The following SIN3A variants were observed in gnomAD, a reference collection of about 807,000 sequenced individuals.
SIN3A encodes the protein SIN3 transcription regulator family member A, also known as paired amphipathic helix protein Sin3a.
SIN3A carries 14 observed loss-of-function variants against 146.1 expected under a neutral mutation model. The ratio of observed to expected loss-of-function variants is 0.10; its 90% confidence interval spans 0.06 to 0.15. The LOEUF is 0.15. Among genes scored for constraint, SIN3A ranks in the 10% least tolerant of loss-of-function variants. The pLI is 1.00. For missense variants in SIN3A, 1,028 were observed against 1,576.0 expected (o/e 0.65, Z 5.89); for synonymous variants, 572 against 572.0 (o/e 1.00, Z 0.00).
At chr15:75,393,767 G>A (rs1440814423) in intron 14 of SIN3A, among the ~76,000 whole-genome samples, 2 of 151,736 alleles carry the variant, frequency 1.3e-5, no homozygotes, top group African/African-American at 4.8e-5. Context: ...GGGTATGGAG[G>A]GTGACAAAGT....
chr15:75,401,840 C>T lies in SIN3A; in HGVS notation c.1526+12G>A. On this transcript the variant is annotated intron_variant, in intron 10 of 20. Coordinates refer to ENST00000394947, the MANE Select transcript of SIN3A (RefSeq NM_001145358.2). ...TATCATGCATCAGGGCTAAGCCCCTCACTTCACTTACCCCAGGAAAGGAGA... is the reference window on the plus strand; with the variant it reads ...TATCATGCATCAGGGCTAAGCCCCTTACTTCACTTACCCCAGGAAAGGAGA... The T allele has an allele frequency of 6.7e-7, 1 of 1,492,488 alleles. No individual in the cohort carries two copies. The highest frequency in any genetic ancestry group is 9.4e-7 in the Non-Finnish European group (1 of 1,069,296). 92.5% of individuals were successfully genotyped at this position (1,492,488 alleles called of 1,614,324 possible). A position where few individuals can be genotyped will look rare whatever the true frequency, so the allele number is the denominator to read the frequency against.
At chr15:75,398,833 A>AACACT (rs962579736) in intron 12 of SIN3A, among the ~76,000 whole-genome samples, 3 of 151,848 alleles carry the variant, frequency 2.0e-5, no homozygotes, top group African/African-American at 4.8e-5. Context: ...AATGTAGTAA[A>AACACT]ACACTGTTTC....
At chr15:75,441,664 T>C (rs1432923723) in intron 1 of SIN3A, among the ~76,000 whole-genome samples, 1 of 152,180 alleles carries the variant, frequency 6.6e-6, no homozygotes, top group Non-Finnish European at 1.5e-5. Context: ...GGTACAGCTC[T>C]AGTAAGGTTC....
In SIN3A at chr15:75,372,113, T is replaced by C; in HGVS notation, c.3688A>G (p.Thr1230Ala). 6.2e-7 allele frequency: 1 copy of C among 1,614,190 alleles called. No individual in the cohort carries two copies. Among genetic ancestry groups the C allele is most frequent in the Non-Finnish European group, 8.5e-7 (1 of 1,180,018 alleles). ...CCCTCACCCATGAGCCACTTGCTGG[T>C]CTCTGCTGCCATTTCACGGGGCACA... ...EHVPREMAAE[T>A]SKWLMGEGLE... Residue 1230 changes from threonine to alanine, a missense_variant, in exon 21 of 21, where the codon ACC becomes GCC. Thr to Ala is a moderately conservative substitution (Grantham distance 58). Around this residue, in one of 9 missense-constraint regions of SIN3A, gnomAD observed 488 missense variants for 690.2 expected, o/e 0.71. Coordinates refer to ENST00000394947, the MANE Select transcript of SIN3A (RefSeq NM_001145358.2).
intron 1 of SIN3A, among the ~76,000 whole-genome samples, chr15:75,431,287 GA>G (rs1218482666): frequency 6.6e-6 from 1 of 152,132 alleles, no homozygotes; most frequent in Non-Finnish European, 1.5e-5. Flanking sequence ...TATAAAATAA[GA>G]AAAGTTGGAA....
At chr15:75,405,613 C>T (rs887575686) in intron 9 of SIN3A, among the ~76,000 whole-genome samples, 5 of 151,602 alleles carry the variant, frequency 3.3e-5, no homozygotes, top group Admixed American at 6.6e-5. Context: ...TAGCTGGGCA[C>T]GGTAGTAGGC....
rs189679543 is a variant in SIN3A, at chr15:75,400,330, A to G, written c.1738-174T>C. ...TATTAGTAAGAAAAGGGTGCTGAAT[A>G]TAAGCGGAAATATAATTCCAGTGCT... On this transcript the variant is annotated intron_variant, in intron 11 of 20. Transcript: ENST00000394947. 2.7e-3 allele frequency among the ~76,000 whole-genome samples: 405 copies of G among 152,386 alleles called. 1 individual carries two copies. Among genetic ancestry groups the G allele is most frequent in the African/African-American group, 9.2e-3 (384 of 41,594 alleles).
At chr15:75,398,019 T>C (rs566689576) in intron 12 of SIN3A, among the ~76,000 whole-genome samples, 86 of 152,304 alleles carry the variant, frequency 5.6e-4, no homozygotes, top group Non-Finnish European at 1.1e-3. Flanking sequence ...CCAGGCAGCA[T>C]GTGGTTCTCA....
intron 9 of SIN3A, among the ~76,000 whole-genome samples, chr15:75,403,093 C>G (rs1413395263): frequency 6.6e-6 from 1 of 152,034 alleles, no homozygotes; most frequent in African/African-American, 2.4e-5. Flanking sequence ...ATGGTAGGTA[C>G]GTGAGGAATC....
Position 75,400,817 on chromosome 15 carries a change from A to C in SIN3A, c.1650T>G (p.Ser550=). ...EGIAMEIDYA[S]CKRLGSSYRA... is the part of the protein sequence containing the mutation. ...GATAGCTGGAGCCCAATCGTTTACAAGAAGCATAATCTATCTCCATAGCAA... is the reference window on the plus strand; with the variant it reads ...GATAGCTGGAGCCCAATCGTTTACACGAAGCATAATCTATCTCCATAGCAA... The change falls in exon 11 of 21, where the codon TCT becomes TCG. Residue 550 remains serine, a synonymous_variant. Coordinates refer to ENST00000394947, the MANE Select transcript of SIN3A (RefSeq NM_001145358.2). 6.2e-7 allele frequency: 1 copy of C among 1,614,188 alleles called. No homozygotes were observed. Among genetic ancestry groups the C allele is most frequent in the Middle Eastern group, 1.7e-4 (1 of 6,052 alleles).
chr15:75,408,699 T>C (rs1449196207), intron 8 of SIN3A, among the ~76,000 whole-genome samples: 1 of 152,216 alleles, frequency 6.6e-6, no homozygotes, highest in Non-Finnish European at 1.5e-5. Context: ...TTCCCTCTGC[T>C]ACAGCCCAAA....
At chr15:75,427,224 T>G (rs1228867698) in intron 2 of SIN3A, among the ~76,000 whole-genome samples, 2 of 151,760 alleles carry the variant, frequency 1.3e-5, no homozygotes, top group African/African-American at 4.8e-5. Flanking sequence ...AATACAAAAA[T>G]TAGCCGGGCA....
intron 16 of SIN3A, among the ~76,000 whole-genome samples, chr15:75,384,673 T>C (rs747160069): frequency 2.0e-5 from 3 of 152,172 alleles, no homozygotes; most frequent in Admixed American, 6.5e-5. Flanking sequence ...AACTTTCCTA[T>C]CTATTTAAAA....
At chr15:75,397,998 C>T (rs2141444745) in intron 12 of SIN3A, among the ~76,000 whole-genome samples, 1 of 152,304 alleles carries the variant, frequency 6.6e-6, no homozygotes, top group South Asian at 2.1e-4. Flanking sequence ...TGGCCAACCA[C>T]CTGCCAGTGG....
Position 75,380,657 on chromosome 15 carries a change from G to C in SIN3A, c.3355C>G (p.Leu1119Val). The C allele has an allele frequency of 1.2e-6, 2 of 1,613,962 alleles. No homozygotes were observed. The highest frequency in any genetic ancestry group is 1.7e-6 in the Non-Finnish European group (2 of 1,179,856). Residue 1119 changes from leucine to valine, a missense_variant, in exon 19 of 21, where the codon CTA becomes GTA. By Grantham distance (32) the Leu-to-Val change is conservative. This residue lies in a region of SIN3A where 488 missense variants were observed against 690.2 expected (regional missense o/e 0.71). Coordinates refer to ENST00000394947, the MANE Select transcript of SIN3A (RefSeq NM_001145358.2). ...DTTSPELREH[L>V]AQKPVFLPRN... ...GGGAGAAATACTGGTTTCTGTGCTA[G>C]ATGTTCACGAAGCTCAGGCGAGGTA...
chr15:75,432,804 A>G (rs1238627167), intron 1 of SIN3A, among the ~76,000 whole-genome samples: 2 of 152,060 alleles, frequency 1.3e-5, no homozygotes, highest in African/African-American at 4.8e-5. Flanking sequence ...GCACTTTGGA[A>G]GGCCGAGGTG....
At chr15:75,430,925 G>A (rs1567403338) in intron 1 of SIN3A, among the ~76,000 whole-genome samples, 2 of 151,972 alleles carry the variant, frequency 1.3e-5, no homozygotes, top group Admixed American at 6.6e-5. Flanking sequence ...ACAGGCACCC[G>A]CCACCACACC....
intron 1 of SIN3A, among the ~76,000 whole-genome samples, chr15:75,449,886 T>C (rs1292778716): frequency 6.6e-6 from 1 of 152,154 alleles, no homozygotes; most frequent in African/African-American, 2.4e-5. Context: ...TTCAAGTGAT[T>C]CTCCTGCCTC....
chr15:75,444,898 G>A (rs2074277765), intron 1 of SIN3A, among the ~76,000 whole-genome samples: 1 of 152,118 alleles, frequency 6.6e-6, no homozygotes, highest in East Asian at 1.9e-4. Flanking sequence ...AACTCTCTTT[G>A]AAGTCTAAAA....
Sources: gnomAD v4.1 joint callset for allele counts (sites outside exome capture counted in the v4.1 genomes callset) on GRCh38, gnomAD v4.1.1 for gene constraint, gnomAD v4.1.1 regional missense constraint, MANE v1.5 for transcripts, NCBI Gene and HGNC (gene_info 2026-07-23, HGNC 2026-07-21) for gene names.